MACF1: variants seen among roughly 807,000 people sequenced by gnomAD.
The protein encoded by MACF1 is microtubule-actin cross-linking factor 1.
In MACF1, 193 loss-of-function variants were observed where a neutral mutation model predicts 854.8. That is an observed-to-expected ratio of 0.23 (90% CI 0.20 to 0.25). The LOEUF (loss-of-function observed/expected upper bound fraction) is 0.25. Ranked by LOEUF, MACF1 falls within the 10% of genes least tolerant of loss-of-function variation. The pLI, the probability that MACF1 is intolerant of heterozygous loss-of-function variation, is 1.00. For missense variants in MACF1, 7,722 were observed against 8,929.1 expected, an observed-to-expected ratio of 0.86 and a Z score of 5.45; for synonymous variants, 3,185 against 3,226.7, an observed-to-expected ratio of 0.99 and a Z score of 0.44.
At chr1:39,341,962 T>TAA (rs1646944772) in intron 40 of MACF1, among the ~76,000 whole-genome samples, 1 of 151,968 alleles carries the variant, frequency 6.6e-6, no homozygotes, top group African/African-American at 2.4e-5. Context: ...AAACTGCATG[T>TAA]CATGAGGGTT....
rs752178988 is a variant in MACF1 at position 39,287,303 on chromosome 1, A to G, written c.1526A>G (p.Asp509Gly). ...ELAFRVMRLQDELVTLRLECT... is the reference protein window; with the variant it reads ...ELAFRVMRLQGELVTLRLECT... ...CATTTCAGGGTCATGCGTCTTCAGG[A>G]TGAGCTGGTCACCTTGCGTCTAGAG... The change falls in exon 15 of 101, where the codon GAT becomes GGT. Residue 509 changes from aspartate (D) to glycine (G), a missense_variant. By Grantham distance (94) the Asp-to-Gly change is moderately conservative. Transcript: ENST00000564288. 6 of 1,613,886 alleles carry G rather than the reference A, an allele frequency of 3.7e-6. No individual in the cohort carries two copies. The Admixed American group carries it at 8.3e-5, about 22-fold the overall frequency.
At chr1:39,176,540 G>T (rs926364297) in intron 2 of MACF1, among the ~76,000 whole-genome samples, 2 of 152,066 alleles carry the variant, frequency 1.3e-5, no homozygotes, top group Non-Finnish European at 2.9e-5. Flanking sequence ...TGCATATGAG[G>T]CTCTTTCCTT....
intron 97 of MACF1, among the ~76,000 whole-genome samples, chr1:39,472,356 T>A (rs1365933023): frequency 6.6e-6 from 1 of 152,224 alleles, no homozygotes; most frequent in Non-Finnish European, 1.5e-5. Flanking sequence ...AAATGTTTAC[T>A]TTTTACTTGT....
rs746170427 is a variant in MACF1 at position 39,430,941 on chromosome 1, T to G, written c.17337+33T>G. ...TTATAATACCTCTGCATTAATATTTTAGACAGTATTGATGTGTGAGATACA... is the reference window on the plus strand; with the variant it reads ...TTATAATACCTCTGCATTAATATTTGAGACAGTATTGATGTGTGAGATACA... On this transcript the variant is annotated intron_variant, in intron 66 of 100. Coordinates refer to ENST00000564288, the MANE Select transcript of MACF1 (RefSeq NM_001394062.1). 3 of 1,574,340 alleles carry G rather than the reference T, an allele frequency of 1.9e-6. No individual in the cohort carries two copies. The South Asian group carries it at 3.3e-5, about 17-fold the overall frequency.
At chr1:39,091,522 A>C (rs950861337) in intron 2 of MACF1, among the ~76,000 whole-genome samples, 1 of 151,942 alleles carries the variant, frequency 6.6e-6, no homozygotes, top group African/African-American at 2.4e-5. Context: ...TTTGAGACAG[A>C]GTCTCGCTCT....
At chr1:39,119,337 A>C (rs1642633991) in intron 2 of MACF1, among the ~76,000 whole-genome samples, 1 of 151,424 alleles carries the variant, frequency 6.6e-6, no homozygotes, top group Non-Finnish European at 1.5e-5. Flanking sequence ...AAAAAAAAAA[A>C]ACAACCAGAA....
At chr1:39,472,054 C>T (rs1230255418) in intron 97 of MACF1, among the ~76,000 whole-genome samples, 1 of 152,142 alleles carries the variant, frequency 6.6e-6, no homozygotes, top group Non-Finnish European at 1.5e-5. Flanking sequence ...CAAAGACAGC[C>T]TCTTTGGTGG....
chr1:39,385,628 T>C lies in MACF1; in HGVS notation c.14043T>C (p.Ala4681=), dbSNP rs192209319. The C allele has an allele frequency of 2.5e-6, 4 of 1,614,062 alleles. No homozygotes were observed. In the East Asian group the frequency reaches 8.9e-5, roughly 36 times the overall value. The change falls in exon 57 of 101, where the codon GCT becomes GCC. Residue 4681 remains alanine, a synonymous_variant. Transcript: ENST00000564288. Reference sequence around the variant, plus strand: ...CCCGTTCCAGCCAAATTGACCAAGCTATTGTTAAGAGCACCCAGTACCAGG... The same window carrying C: ...CCCGTTCCAGCCAAATTGACCAAGCCATTGTTAAGAGCACCCAGTACCAGG... ...LNSRSSQIDQ[A]IVKSTQYQEL...
In MACF1 at chr1:39,350,776, T is replaced by G. The variant is rs1008933434; in HGVS notation, c.10966-9T>G. ...GAAGGCTCTGCCATTCCTATTTTCT[T>G]GTGTTAAGGATTTACAGGATGACAT... On this transcript the variant is annotated splice_polypyrimidine_tract_variant and intron_variant, in intron 42 of 100. Coordinates refer to ENST00000564288, the MANE Select transcript of MACF1 (RefSeq NM_001394062.1). The G allele has an allele frequency of 9.3e-6, 15 of 1,606,222 alleles. No homozygotes were observed. The highest frequency in any genetic ancestry group is 1.3e-5 in the Non-Finnish European group (15 of 1,173,086).
rs1392792608 is a variant in MACF1 at position 39,447,758 on chromosome 1, T to C, written c.19828T>C (p.Leu6610=). ...TGAGCTGGATCAAACTGGGAATCAA[T>C]TAAAGTTCCTTAGCCAAAAGCAGGA... is the stretch of plus-strand genomic sequence containing the variant. ...IIELDQTGNQ[L]KFLSQKQDVV... The change falls in exon 82 of 101, where the codon TTA becomes CTA. Residue 6610 remains leucine (L), a synonymous_variant. Coordinates refer to ENST00000564288, the MANE Select transcript of MACF1 (RefSeq NM_001394062.1). 6.2e-7 allele frequency: 1 copy of C among 1,614,128 alleles called. No homozygotes were observed. Among genetic ancestry groups the C allele is most frequent in the South Asian group, 1.1e-5 (1 of 91,072 alleles).
At chr1:39,304,628 A>G (rs1301253341) in intron 23 of MACF1, 4 of 540,166 alleles carry the variant, frequency 7.4e-6, no homozygotes, top group South Asian at 5.5e-5. Context: ...CAGTGGCACT[A>G]TTTCAGCTCA....
chr1:39,130,339 G>T (rs1642967451), intron 2 of MACF1, among the ~76,000 whole-genome samples: 1 of 152,198 alleles, frequency 6.6e-6, no homozygotes. Context: ...TAGCCTGGAG[G>T]CAATAACAAT....
rs563960945 is a variant in MACF1, at chr1:39,428,118, G to T, written c.16634G>T (p.Cys5545Phe). ...CGATACAGTGAAATTCAAGACCGCT[G>T]TTGTCGGAAGGCAGCCCTACTTGAC... ...QARYSEIQDR[C>F]CRKAALLDQA... The change falls in exon 63 of 101, where the codon TGT (cysteine) becomes TTT (phenylalanine). Residue 5545 changes from cysteine (C) to phenylalanine (F), a missense_variant. Transcript: ENST00000564288. 6.2e-7 allele frequency: 1 copy of T among 1,614,208 alleles called. No homozygotes were observed. Among genetic ancestry groups the T allele is most frequent in the Admixed American group, 1.7e-5 (1 of 60,024 alleles).
At chr1:39,106,410 C>G (rs929518862) in intron 2 of MACF1, among the ~76,000 whole-genome samples, 8 of 152,178 alleles carry the variant, frequency 5.3e-5, no homozygotes, top group African/African-American at 1.9e-4. Flanking sequence ...AATGCCTAAT[C>G]TGCGCCTTGG....
At chr1:39,446,307 C>T (rs1644229069) in intron 80 of MACF1, among the ~76,000 whole-genome samples, 1 of 137,410 alleles carries the variant, frequency 7.3e-6, no homozygotes, top group Non-Finnish European at 1.5e-5. Context: ...TCTTTTATAT[C>T]TATAAAGTAG....
Position 39,454,992 on chromosome 1 carries a change from A to G in MACF1, c.20970A>G (p.Glu6990=). The G allele has an allele frequency of 6.2e-7, 1 of 1,614,068 alleles. No homozygotes were observed. Among genetic ancestry groups the G allele is most frequent in the South Asian group, 1.1e-5 (1 of 91,076 alleles). The change falls in exon 89 of 101, where the codon GAA becomes GAG. Residue 6990 remains glutamate, a synonymous_variant. Transcript: ENST00000564288. ...ELVANAELLE[E]LLAWIQWAET... ...TGGCTAATGCTGAGCTCCTGGAAGA[A>G]CTTCTGGCATGGATCCAGTGGGCTG...
chr1:39,469,040 C>T (rs982264392), intron 96 of MACF1, among the ~76,000 whole-genome samples: 2 of 152,112 alleles, frequency 1.3e-5, no homozygotes, highest in Non-Finnish European at 2.9e-5. Context: ...GAAAGGAGCC[C>T]AGTGAAGCCC....
chr1:39,354,637 T>G (rs1647372613), intron 44 of MACF1, among the ~76,000 whole-genome samples: 1 of 152,144 alleles, frequency 6.6e-6, no homozygotes, highest in Non-Finnish European at 1.5e-5. Flanking sequence ...ACTCCTGACC[T>G]CGGGTGATTT....
Position 39,331,805 on chromosome 1 carries a change from C to T in MACF1, c.5217C>T (p.Ser1739=), listed in dbSNP as rs1244342536. ...PVKQLAGGMV[S]LKSGRKVSIF... ...AACAATTGGCAGGGGGGATGGTGAG[C>T]TTGAAATCAGGCCGGAAGGTTAGCA... The change falls in exon 37 of 101, where the codon AGC becomes AGT. Residue 1739 remains serine (S), a synonymous_variant. Coordinates refer to ENST00000564288, the MANE Select transcript of MACF1 (RefSeq NM_001394062.1). 6.2e-7 allele frequency: 1 copy of T among 1,614,064 alleles called. No homozygotes were observed. Among genetic ancestry groups the T allele is most frequent in the Admixed American group, 1.7e-5 (1 of 59,998 alleles).
Sources: allele counts gnomAD v4.1 joint callset (sites outside exome capture counted in the v4.1 genomes callset), GRCh38; gene constraint gnomAD v4.1.1; transcripts MANE v1.5; gene names NCBI Gene and HGNC (gene_info 2026-07-23, HGNC 2026-07-21).